LDHB: variants seen among roughly 807,000 people sequenced by gnomAD.
LDHB encodes the protein L-lactate dehydrogenase B chain.
In LDHB, 18 loss-of-function variants were observed where a neutral mutation model predicts 33.4. The observed-to-expected ratio is 0.54, with a 90% confidence interval of 0.37 to 0.80. The LOEUF (loss-of-function observed/expected upper bound fraction) is 0.80. Among genes scored for constraint, LDHB ranks in the 30% least tolerant of loss-of-function variants. The probability of loss-of-function intolerance (pLI) is 0.00; values close to 1 mark genes in which losing one functional copy is unlikely to be tolerated. For synonymous variants in LDHB, 121 were observed against 140.6 expected (o/e 0.86, Z 0.98); for missense variants, 345 against 407.9 (o/e 0.85, Z 1.33).
At chr12:21,640,154 A>T (rs567202097) in intron 5 of LDHB, among the ~76,000 whole-genome samples, 997 of 14,602 alleles carry the variant, frequency 0.068, 9 homozygotes, top group African/African-American at 0.073. Context: ...TTATTTTATT[A>T]TTTTTTTTTG....
chr12:21,651,879 T>G (rs1484053971), intron 2 of LDHB, among the ~76,000 whole-genome samples: 1 of 152,366 alleles, frequency 6.6e-6, no homozygotes, highest in East Asian at 1.9e-4. Context: ...AAATATTCAT[T>G]AGATAGTCTC....
At chr12:21,640,439 CTATT>C (rs1336749328) in intron 5 of LDHB, among the ~76,000 whole-genome samples, 2 of 151,476 alleles carry the variant, frequency 1.3e-5, no homozygotes, top group African/African-American at 4.9e-5. Context: ...CCTAAAGAAA[CTATT>C]TAGTTTTATC....
intron 2 of LDHB, among the ~76,000 whole-genome samples, chr12:21,651,748 T>C (rs1271779737): frequency 6.6e-6 from 1 of 152,268 alleles, no homozygotes; most frequent in Non-Finnish European, 1.5e-5. Context: ...ATCTTTACCA[T>C]GTATTAACAT....
chr12:21,650,838 T>G (rs539912486), intron 2 of LDHB, among the ~76,000 whole-genome samples: 2 of 152,308 alleles, frequency 1.3e-5, no homozygotes, highest in South Asian at 4.1e-4. Flanking sequence ...CCATGGAACA[T>G]ATCAGGAAGG....
chr12:21,645,024 T>C lies in LDHB; in HGVS notation c.248-916A>G, dbSNP rs148488862. ...CATTAAGAGACTCCATTTTGTTCTGTACTAAGAAAAATTCTTCTGCCTTGA... is the reference window on the plus strand; with the variant it reads ...CATTAAGAGACTCCATTTTGTTCTGCACTAAGAAAAATTCTTCTGCCTTGA... On this transcript the variant is annotated intron_variant, in intron 3 of 7. Transcript: ENST00000350669. Among the ~76,000 whole-genome samples the C allele has an allele frequency of 8.9e-3, 1,351 of 152,296 alleles. 13 individuals are homozygous for C. Among genetic ancestry groups the C allele is most frequent in the Middle Eastern group, 0.02 (6 of 294 alleles).
intron 2 of LDHB, among the ~76,000 whole-genome samples, chr12:21,653,989 C>G (rs1429685029): frequency 6.6e-6 from 1 of 152,118 alleles, no homozygotes; most frequent in African/African-American, 2.4e-5. Context: ...CATGTGTCTC[C>G]TGATGGTCTG....
Position 21,642,132 on chromosome 12 carries a change from A to G in LDHB, c.422-7T>C, listed in dbSNP as rs1025371369. On this transcript the variant is annotated splice_region_variant and splice_polypyrimidine_tract_variant and intron_variant, in intron 4 of 7. Coordinates refer to ENST00000350669, the MANE Select transcript of LDHB (RefSeq NM_002300.8). ...ACATACGTAAGAATGTCCACTAAAA[A>G]TTTTGGAAATAATATATGTAAGTAA... 1.4e-5 allele frequency: 22 copies of G among 1,610,772 alleles called. No homozygotes were observed. Among genetic ancestry groups the G allele is most frequent in the Non-Finnish European group, 1.8e-5 (21 of 1,177,272 alleles).
At chr12:21,654,774 G>C in intron 1 of LDHB, 97 bp from the exon 2 acceptor site, 1 of 992,968 alleles carries the variant, frequency 1.0e-6, no homozygotes, top group South Asian at 1.3e-5. Flanking sequence ...TCGAACTGAA[G>C]TACAACTTAA....
chr12:21,640,010 G>T (rs1938326759), intron 5 of LDHB, among the ~76,000 whole-genome samples: 1 of 151,928 alleles, frequency 6.6e-6, no homozygotes, highest in African/African-American at 2.4e-5. Flanking sequence ...TTCAAAGGAA[G>T]ATTTATACTC....
chr12:21,643,447 G>C (rs1251327701), intron 4 of LDHB: 1 of 156,890 alleles, frequency 6.4e-6, no homozygotes, highest in Non-Finnish European at 1.4e-5. Context: ...AGCATTTGGT[G>C]TTAGCATATA....
intron 2 of LDHB, among the ~76,000 whole-genome samples, chr12:21,653,499 A>G (rs1250645392): frequency 6.6e-6 from 1 of 152,164 alleles, no homozygotes; most frequent in Non-Finnish European, 1.5e-5. Flanking sequence ...GCTGCTCTAA[A>G]GGACATGTAA....
At chr12:21,641,164 A>G (rs187201764) in intron 5 of LDHB, among the ~76,000 whole-genome samples, 278 of 152,282 alleles carry the variant, frequency 1.8e-3, no homozygotes, top group South Asian at 8.9e-3. Flanking sequence ...CTTCCCACAA[A>G]TTACTCATAA....
intron 6 of LDHB, among the ~76,000 whole-genome samples, chr12:21,637,704 A>G (rs1677132): frequency 0.95 from 143,694 of 152,038 alleles, 68,407 homozygotes; most frequent in East Asian, 1. Context: ...AGCAGCAGGA[A>G]TAACTCTAGC....
chr12:21,647,976 T>A (rs575731812), intron 2 of LDHB, among the ~76,000 whole-genome samples: 1 of 152,208 alleles, frequency 6.6e-6, no homozygotes, highest in East Asian at 1.9e-4. Context: ...GAATAGGCAG[T>A]GCTGGGCCTG....
intron 6 of LDHB, 189 bp from the exon 7 acceptor site, chr12:21,637,383 C>T: frequency 5.3e-6 from 3 of 567,178 alleles, no homozygotes; most frequent in South Asian, 4.2e-5. Context: ...ACTGTAAGCA[C>T]TACACAGTAA....
intron 2 of LDHB, among the ~76,000 whole-genome samples, chr12:21,651,328 G>A (rs917414992): frequency 3.3e-5 from 5 of 152,160 alleles, no homozygotes; most frequent in Admixed American, 6.6e-5. Context: ...TTTAAGTAGC[G>A]GAGCCACTAG....
chr12:21,657,073 A>G (rs1345488971), intron 1 of LDHB: 4 of 152,234 alleles, frequency 2.6e-5, no homozygotes, highest in Non-Finnish European at 5.9e-5. Context: ...GAGGGCATGC[A>G]GAAGCTAGAG....
At chr12:21,645,749 GATCAATAA>G (rs1216863239) in intron 3 of LDHB, among the ~76,000 whole-genome samples, 1 of 152,020 alleles carries the variant, frequency 6.6e-6, no homozygotes, top group African/African-American at 2.4e-5. Context: ...GCCCGATAAT[GATCAATAA>G]ATACTAAGGG....
chr12:21,637,819 T>C (rs1048845211), intron 6 of LDHB, among the ~76,000 whole-genome samples: 1 of 151,974 alleles, frequency 6.6e-6, no homozygotes, highest in Non-Finnish European at 1.5e-5. Context: ...ACTTGTAAAA[T>C]AAAGGTATAT....
Sources: gnomAD v4.1 joint callset for allele counts (sites outside exome capture counted in the v4.1 genomes callset) on GRCh38, gnomAD v4.1.1 for gene constraint, MANE v1.5 for transcripts, NCBI Gene and HGNC (gene_info 2026-07-23, HGNC 2026-07-21) for gene names.